HNF1B: variants seen among roughly 807,000 people sequenced by gnomAD.
The protein encoded by HNF1B is HNF1 homeobox B.
Under a neutral mutation model 61.7 loss-of-function variants are expected in HNF1B, and 8 were observed. That is an observed-to-expected ratio of 0.13 (90% confidence interval 0.08 to 0.23). The LOEUF (loss-of-function observed/expected upper bound fraction) is 0.23, where lower values mean the gene tolerates loss of function less well. Ranked by LOEUF, HNF1B falls within the 10% of genes least tolerant of loss-of-function variation. The pLI, the probability that HNF1B is intolerant of heterozygous loss-of-function variation, is 1.00. For synonymous variants in HNF1B, 314 were observed against 287.7 expected (o/e 1.09, Z -0.93); for missense variants, 562 against 714.5 (o/e 0.79, Z 2.43).
chr17:37,726,883 C>G (rs1253007067), intron 4 of HNF1B, among the ~76,000 whole-genome samples: 2 of 152,146 alleles, frequency 1.3e-5, no homozygotes, highest in Non-Finnish European at 2.9e-5. Context: ...GAGAATAAGT[C>G]CCCCCTTCCC....
At chr17:37,741,792 A>G (rs2033999240) in intron 1 of HNF1B, among the ~76,000 whole-genome samples, 1 of 152,176 alleles carries the variant, frequency 6.6e-6, no homozygotes, top group Non-Finnish European at 1.5e-5. Context: ...TCTAAGTGGG[A>G]ATGATTCTGT....
chr17:37,693,119 G>A (rs2032261992), intron 8 of HNF1B, among the ~76,000 whole-genome samples: 2 of 150,308 alleles, frequency 1.3e-5, no homozygotes, highest in African/African-American at 4.9e-5. Context: ...GTACCCAGTA[G>A]GCGGAGGTTG....
intron 2 of HNF1B, among the ~76,000 whole-genome samples, chr17:37,736,224 C>G (rs2147561816): frequency 6.6e-6 from 1 of 152,366 alleles, no homozygotes; most frequent in South Asian, 2.1e-4. Context: ...CCCGTGGGCC[C>G]TGTGTGGCAC....
intron 5 of HNF1B, among the ~76,000 whole-genome samples, chr17:37,707,856 G>A (rs921475205): frequency 6.6e-6 from 1 of 152,052 alleles, no homozygotes; most frequent in Non-Finnish European, 1.5e-5. Flanking sequence ...TTTGGGCATG[G>A]GGGCGGGTAG....
chr17:37,692,111 G>C (rs898365968), intron 8 of HNF1B, among the ~76,000 whole-genome samples: 2 of 152,228 alleles, frequency 1.3e-5, no homozygotes, highest in Non-Finnish European at 2.9e-5. Context: ...GCACCCAAGA[G>C]TTGAGAAGGA....
chr17:37,688,682 T>C (rs1369666641), intron 8 of HNF1B, among the ~76,000 whole-genome samples: 1 of 152,184 alleles, frequency 6.6e-6, no homozygotes, highest in Non-Finnish European at 1.5e-5. Context: ...TTTGTGCTCT[T>C]GGACAAGTTA....
intron 3 of HNF1B, among the ~76,000 whole-genome samples, chr17:37,732,927 C>T (rs2033731429): frequency 6.6e-6 from 1 of 152,000 alleles, no homozygotes; most frequent in Non-Finnish European, 1.5e-5. Context: ...GCAATCCTCC[C>T]GCCTCGGCCT....
chr17:37,710,283 A>C (rs2147472463), intron 5 of HNF1B, among the ~76,000 whole-genome samples: 1 of 152,216 alleles, frequency 6.6e-6, no homozygotes, highest in Non-Finnish European at 1.5e-5. Context: ...AGAGAGCAGA[A>C]CTCTGTCAGA....
At chr17:37,689,926 AC>A (rs1435695631) in intron 8 of HNF1B, among the ~76,000 whole-genome samples, 1 of 152,084 alleles carries the variant, frequency 6.6e-6, no homozygotes, top group Non-Finnish European at 1.5e-5. Flanking sequence ...GCAGCTGTAA[AC>A]AACACCCTGC....
At chr17:37,728,048 T>C (rs1290583250) in intron 4 of HNF1B, among the ~76,000 whole-genome samples, 2 of 151,564 alleles carry the variant, frequency 1.3e-5, no homozygotes, top group Admixed American at 1.3e-4. Flanking sequence ...TGGAGTGGAG[T>C]GGAGTGGCCC....
Position 37,701,171 on chromosome 17 carries a change from T to A in HNF1B, c.1346A>T (p.Asn449Ile). ...AGGGACACTCTGTGCTTGGGAGGTGTTGAGGCCTGTGGGAGCAAGAGGAAA... is the reference window on the plus strand; with the variant it reads ...AGGGACACTCTGTGCTTGGGAGGTGATGAGGCCTGTGGGAGCAAGAGGAAA... ...SGVMAIAQSL[N>I]TSQAQSVPVI... is the part of the protein sequence containing the mutation. The change falls in exon 7 of 9, where the codon AAC (asparagine) becomes ATC (isoleucine). Residue 449 changes from asparagine to isoleucine, a missense_variant. Coordinates refer to ENST00000617811, the MANE Select transcript of HNF1B (RefSeq NM_000458.4). 1 of 1,550,746 alleles carries A rather than the reference T, an allele frequency of 6.4e-7. No homozygotes were observed. Among genetic ancestry groups the A allele is most frequent in the South Asian group, 1.2e-5 (1 of 83,992 alleles).
At chr17:37,689,146 C>CCA (rs1459779963) in intron 8 of HNF1B, among the ~76,000 whole-genome samples, 37 of 62,380 alleles carry the variant, frequency 5.9e-4, no homozygotes, top group Admixed American at 8.6e-4. Context: ...CTTGGTCTCA[C>CCA]AAAAAAAAAA....
intron 5 of HNF1B, among the ~76,000 whole-genome samples, chr17:37,707,949 C>G (rs1357063409): frequency 6.6e-6 from 1 of 152,142 alleles, no homozygotes; most frequent in East Asian, 1.9e-4. Context: ...AAGGCACGTC[C>G]TACTGAAAGT....
chr17:37,742,274 C>T (rs2034015342), intron 1 of HNF1B, among the ~76,000 whole-genome samples: 1 of 152,238 alleles, frequency 6.6e-6, no homozygotes, highest in Non-Finnish European at 1.5e-5. Context: ...GCCCCCGGCG[C>T]ACCTGCCTCG....
chr17:37,744,421 CG>C, intron 1 of HNF1B, 119 bp downstream of exon 1: 1 of 1,022,184 alleles, frequency 9.8e-7, no homozygotes, highest in Non-Finnish European at 1.5e-6. Flanking sequence ...GAGCGCCCCC[CG>C]GGGGACTTCT....
At chr17:37,723,271 C>T (rs1397241450) in intron 4 of HNF1B, among the ~76,000 whole-genome samples, 6 of 151,724 alleles carry the variant, frequency 4.0e-5, no homozygotes, top group East Asian at 1.9e-4. Context: ...GGCGTGAACC[C>T]GGGAGGCGGA....
At chr17:37,701,453 G>A (rs1044416785) in intron 6 of HNF1B, among the ~76,000 whole-genome samples, 1 of 152,210 alleles carries the variant, frequency 6.6e-6, no homozygotes, top group African/African-American at 2.4e-5. Flanking sequence ...CCCAAACTTA[G>A]CTCTCTTGAG....
At chr17:37,734,736 A>G (rs1054373717) in intron 2 of HNF1B, among the ~76,000 whole-genome samples, 9 of 152,082 alleles carry the variant, frequency 5.9e-5, no homozygotes, top group Admixed American at 6.6e-5. Context: ...GAGCAAAGAC[A>G]CGTAATACAT....
chr17:37,722,954 G>T (rs2033365765), intron 4 of HNF1B, among the ~76,000 whole-genome samples: 1 of 152,004 alleles, frequency 6.6e-6, no homozygotes, highest in Non-Finnish European at 1.5e-5. Flanking sequence ...CCTCCACCAG[G>T]AACATCCCAC....
Sources: allele counts gnomAD v4.1 joint callset (sites outside exome capture counted in the v4.1 genomes callset), GRCh38; gene constraint gnomAD v4.1.1; transcripts MANE v1.5; gene names NCBI Gene and HGNC (gene_info 2026-07-23, HGNC 2026-07-21).